Variants in TNRC6A observed in about 807,000 individuals in gnomAD.
TNRC6A encodes trinucleotide repeat-containing gene 6A protein.
TNRC6A carries 44 observed loss-of-function variants against 221.2 expected under a neutral mutation model. The ratio of observed to expected loss-of-function variants is 0.20; its 90% CI spans 0.16 to 0.26. The LOEUF (loss-of-function observed/expected upper bound fraction) is 0.26. TNRC6A is among the 10% of genes least tolerant of loss of function. The probability of loss-of-function intolerance (pLI) is 1.00; values close to 1 mark genes in which losing one functional copy is unlikely to be tolerated. For missense variants in TNRC6A, 2,199 were observed against 2,404.4 expected (o/e 0.91, Z 1.79); for synonymous variants, 847 against 838.5 (o/e 1.01, Z -0.18).
intron 2 of TNRC6A, among the ~76,000 whole-genome samples, chr16:24,643,131 T>C (rs1567319593): frequency 2.3e-5 from 1 of 43,256 alleles, no homozygotes; most frequent in East Asian, 6.0e-4. Flanking sequence ...ATAAAATATA[T>C]ATATATAAAA....
chr16:24,685,795 C>T (rs907552466), intron 2 of TNRC6A, among the ~76,000 whole-genome samples: 2 of 152,154 alleles, frequency 1.3e-5, no homozygotes, highest in Non-Finnish European at 2.9e-5. Flanking sequence ...ATAGTAATAA[C>T]TAGGTTTTCT....
intron 5 of TNRC6A, among the ~76,000 whole-genome samples, chr16:24,787,744 T>C (rs2151843218): frequency 6.6e-6 from 1 of 152,332 alleles, no homozygotes. Context: ...CTCCAGTCAC[T>C]TTTCCAGACT....
chr16:24,762,610 G>A (rs1010218948), intron 4 of TNRC6A, among the ~76,000 whole-genome samples: 2 of 152,210 alleles, frequency 1.3e-5, no homozygotes, highest in African/African-American at 4.8e-5. Context: ...AAAAATTGAT[G>A]TGAGAGTAGG....
At chr16:24,615,721 C>G (rs1900305906) in intron 1 of TNRC6A, among the ~76,000 whole-genome samples, 1 of 152,074 alleles carries the variant, frequency 6.6e-6, no homozygotes. Flanking sequence ...TACTGAGAAC[C>G]CAGAGCATGT....
At chr16:24,711,354 A>G (rs1228986280) in intron 2 of TNRC6A, among the ~76,000 whole-genome samples, 2 of 152,086 alleles carry the variant, frequency 1.3e-5, no homozygotes, top group Non-Finnish European at 2.9e-5. Flanking sequence ...ACATATTTAA[A>G]GTGTGTAATT....
rs1376520204 is a variant in TNRC6A, at chr16:24,789,443, C to G, written c.801C>G (p.Asn267Lys). 8.7e-6 allele frequency: 14 copies of G among 1,614,062 alleles called. No individual in the cohort carries two copies. The highest frequency in any genetic ancestry group is 1.1e-5 in the Non-Finnish European group (13 of 1,180,038). The change falls in exon 6 of 25, where the codon AAC (asparagine) becomes AAG (lysine). Residue 267 changes from asparagine (N) to lysine (K), a missense_variant. This residue lies in a region of TNRC6A where 1,405 missense variants were observed against 1,400.2 expected (regional missense o/e 1.00). Coordinates refer to ENST00000395799, the MANE Select transcript of TNRC6A (RefSeq NM_014494.4). ...DSASSSESER[N>K]ITIMASGNTG... ...CCTCCAGTTCTGAATCAGAGAGAAACATCACTATCATGGCTTCAGGGAACA... is the reference window on the plus strand; with the variant it reads ...CCTCCAGTTCTGAATCAGAGAGAAAGATCACTATCATGGCTTCAGGGAACA...
intron 1 of TNRC6A, among the ~76,000 whole-genome samples, chr16:24,629,627 G>A (rs1267555894): frequency 6.6e-6 from 1 of 152,002 alleles, no homozygotes; most frequent in African/African-American, 2.4e-5. Context: ...ATTATTTTGG[G>A]GGGAGGAGAA....
At chr16:24,704,082 CAAAA>C (rs34569194) in intron 2 of TNRC6A, among the ~76,000 whole-genome samples, 71,461 of 132,964 alleles carry the variant, frequency 0.54, 18,893 homozygotes, top group East Asian at 0.85. Context: ...GACCTTGTAT[CAAAA>C]AAAAAAAAAA....
chr16:24,730,724 T>C (rs1184342432), intron 2 of TNRC6A, among the ~76,000 whole-genome samples: 2 of 109,356 alleles, frequency 1.8e-5, no homozygotes, highest in Admixed American at 9.3e-5. Context: ...AGATACTATG[T>C]GTTCGCATTC....
At chr16:24,648,550 G>A (rs112408522) in intron 2 of TNRC6A, among the ~76,000 whole-genome samples, 1,713 of 152,182 alleles carry the variant, frequency 0.011, 35 homozygotes, top group African/African-American at 0.038. Flanking sequence ...GATTACAGGC[G>A]TGAGCCACCG....
chr16:24,820,886 G>A (rs1028266429), intron 22 of TNRC6A, among the ~76,000 whole-genome samples: 15 of 152,122 alleles, frequency 9.9e-5, no homozygotes, highest in Non-Finnish European at 2.1e-4. Context: ...TGCCTGTGCT[G>A]TCTCCACACC....
rs184755476 is a variant in TNRC6A at position 24,639,523 on chromosome 16, A to G, written n.277-1361A>G. On this transcript the variant is annotated intron_variant and non_coding_transcript_variant, in intron 1 of 2. Coordinates refer to the TNRC6A transcript ENST00000566108. ...ACATGAGAAAGACTAAGATATGAGT[A>G]TGTGCTAAAGGAGAAAATCAGTAGA... 4.6e-5 allele frequency among the ~76,000 whole-genome samples: 7 copies of G among 152,274 alleles called. No individual in the cohort carries two copies. The East Asian group carries it at 1.2e-3, about 25-fold the overall frequency.
chr16:24,798,166 G>A lies in TNRC6A; in HGVS notation c.3694+200G>A, dbSNP rs2058259615. On this transcript the variant is annotated intron_variant, in intron 11 of 24. Coordinates refer to ENST00000395799, the MANE Select transcript of TNRC6A (RefSeq NM_014494.4). ...TGCAGATCAGTGGTGATATTAGTCT[G>A]ATTACTTTACACATAATCCTGCCAA... The A allele has an allele frequency of 2.2e-5, 9 of 407,896 alleles. No individual in the cohort carries two copies. The East Asian group carries it at 3.2e-4, about 14-fold the overall frequency. The allele number at this position is 407,896 out of a possible 1,614,324, so 25.3% of individuals were successfully genotyped here.
At chr16:24,804,063 G>A in intron 11 of TNRC6A, 114 bp from the exon 12 acceptor site, 3 of 1,126,052 alleles carry the variant, frequency 2.7e-6, no homozygotes, top group Non-Finnish European at 3.7e-6. Context: ...ACATACCCTT[G>A]TCTTGGCTGA....
intron 2 of TNRC6A, among the ~76,000 whole-genome samples, chr16:24,696,601 C>T (rs2055866160): frequency 6.6e-6 from 1 of 150,936 alleles, no homozygotes. Flanking sequence ...CGTGGTGGCT[C>T]GCCTGTGGTT....
At chr16:24,764,487 T>C (rs2057430356) in intron 4 of TNRC6A, among the ~76,000 whole-genome samples, 1 of 151,860 alleles carries the variant, frequency 6.6e-6, no homozygotes, top group South Asian at 2.1e-4. Flanking sequence ...CCACCACACC[T>C]AATTTTTGTA....
At chr16:24,623,400 G>A (rs1015876155) in intron 1 of TNRC6A, among the ~76,000 whole-genome samples, 1 of 151,872 alleles carries the variant, frequency 6.6e-6, no homozygotes, top group Non-Finnish European at 1.5e-5. Context: ...GGATTTCACC[G>A]TGTTAGCCAG....
rs147311214 is a variant in TNRC6A, at chr16:24,715,114, G to A, written n.403-35612G>A. Among the ~76,000 whole-genome samples, 1,466 of 152,206 alleles carry A rather than the reference G, an allele frequency of 9.6e-3. 13 individuals carry two copies. The highest frequency in any genetic ancestry group is 0.041 in the Middle Eastern group (12 of 294). On this transcript the variant is annotated intron_variant and non_coding_transcript_variant, in intron 2 of 2. Transcript: ENST00000566108. ...GATGGTCTCGATCTCCTGACCTCAT[G>A]ATCTGCCTGCCTCAGCCTCTGTAGT...
intron 2 of TNRC6A, among the ~76,000 whole-genome samples, chr16:24,671,883 G>C (rs773918077): frequency 5.9e-5 from 9 of 152,008 alleles, no homozygotes; most frequent in Non-Finnish European, 1.2e-4. Flanking sequence ...ACTTACAAAA[G>C]GGTAGAAATC....
Sources: gnomAD v4.1 joint callset for allele counts (sites outside exome capture counted in the v4.1 genomes callset) on GRCh38, gnomAD v4.1.1 for gene constraint, gnomAD v4.1.1 regional missense constraint, MANE v1.5 for transcripts, NCBI Gene and HGNC (gene_info 2026-07-23, HGNC 2026-07-21) for gene names.